Variants in RTL4 observed in about 807,000 individuals in gnomAD.
RTL4 encodes the protein retrotransposon Gag like 4, also known as retrotransposon Gag-like protein 4.
In RTL4, 4 loss-of-function variants were observed where a neutral mutation model predicts 5.3. The observed-to-expected ratio is 0.75, with a 90% CI of 0.37 to 1.72. The LOEUF is 1.72. RTL4 is among the 40% of genes most tolerant of loss of function. RTL4 has a pLI of 0.04. For missense variants in RTL4, 260 were observed against 227.1 expected (o/e 1.14, Z -0.93); for synonymous variants, 98 against 87.3 (o/e 1.12, Z -0.68).
At chrX:112,317,089 C>A in the RTL4 span, among the ~76,000 whole-genome samples, 1 of 111,725 alleles carries the variant, frequency 9.0e-6, no homozygotes, top group East Asian at 2.8e-4. Context: ...CTGATTCAGT[C>A]TTTACGGAAA....
the RTL4 span, among the ~76,000 whole-genome samples, chrX:112,266,004 C>T: frequency 9.0e-6 from 1 of 110,519 alleles, no homozygotes; most frequent in African/African-American, 3.3e-5. Context: ...TTCAGTTTGA[C>T]GGGAGTGTTA....
chrX:112,454,641 T>G (rs1926799711), exon 1 of RTL4: 1 of 908,168 alleles, frequency 1.1e-6, no homozygotes. Flanking sequence ...ACACTCCGTC[T>G]CTGATCACAG....
the RTL4 span, among the ~76,000 whole-genome samples, chrX:112,309,396 G>C: frequency 9.0e-6 from 1 of 111,216 alleles, no homozygotes; most frequent in South Asian, 3.8e-4. Flanking sequence ...ATCTTCAAAT[G>C]CCATCATATT....
At chrX:112,389,174 A>G in the RTL4 span, among the ~76,000 whole-genome samples, 5 of 110,188 alleles carry the variant, frequency 4.5e-5, no homozygotes, top group Non-Finnish European at 7.6e-5. Context: ...GTGTCCAGGA[A>G]TTTATCCATC....
the RTL4 span, among the ~76,000 whole-genome samples, chrX:112,226,951 T>TA: frequency 1.7e-5 from 1 of 57,307 alleles, no homozygotes. Flanking sequence ...AAAATAAAAA[T>TA]AAAATAAAAT....
the RTL4 span, among the ~76,000 whole-genome samples, chrX:112,147,404 C>T: frequency 9.0e-6 from 1 of 110,989 alleles, no homozygotes; most frequent in Non-Finnish European, 1.9e-5. Context: ...CCCCCTCCCC[C>T]TTGTGACCAA....
the RTL4 span, among the ~76,000 whole-genome samples, chrX:112,115,242 T>C: frequency 9.0e-6 from 1 of 110,951 alleles, no homozygotes. Flanking sequence ...CTGAGGAAGG[T>C]CGGATTTAGT....
chrX:112,401,620 T>A, the RTL4 span, among the ~76,000 whole-genome samples: 20 of 110,228 alleles, frequency 1.8e-4, no homozygotes, highest in Admixed American at 1.6e-3. Flanking sequence ...ATTCTAGACT[T>A]TTTTTTTACA....
At chrX:112,190,555 A>C in the RTL4 span, among the ~76,000 whole-genome samples, 1 of 111,981 alleles carries the variant, frequency 8.9e-6, no homozygotes, top group African/African-American at 3.2e-5. Context: ...GAGTTGGTAA[A>C]GTCTCATTGG....
the RTL4 span, among the ~76,000 whole-genome samples, chrX:112,192,626 G>A: frequency 9.0e-6 from 1 of 110,889 alleles, no homozygotes; most frequent in Non-Finnish European, 1.9e-5. Flanking sequence ...ATTAATTTTA[G>A]TAATATACAA....
the RTL4 span, among the ~76,000 whole-genome samples, chrX:112,259,113 T>A: frequency 8.9e-6 from 1 of 111,743 alleles, no homozygotes; most frequent in Admixed American, 9.6e-5. Flanking sequence ...ATCTTGTATG[T>A]TTATTTTCCA....
At chrX:112,240,189 C>T in the RTL4 span, among the ~76,000 whole-genome samples, 68 of 111,531 alleles carry the variant, frequency 6.1e-4, no homozygotes, top group Non-Finnish European at 1.2e-3. Flanking sequence ...GCTCCCTGGC[C>T]AGGTACAGTA....
At chrX:112,186,006 G>A in the RTL4 span, among the ~76,000 whole-genome samples, 2 of 111,137 alleles carry the variant, frequency 1.8e-5, no homozygotes, top group African/African-American at 6.5e-5. Flanking sequence ...AGACAAACTG[G>A]ATCCCATGAG....
the RTL4 span, among the ~76,000 whole-genome samples, chrX:112,367,138 G>C: frequency 9.0e-6 from 1 of 111,628 alleles, no homozygotes; most frequent in Non-Finnish European, 1.9e-5. Flanking sequence ...TGCCAATATA[G>C]TTTAATTCTC....
chrX:112,430,798 G>T, the RTL4 span, among the ~76,000 whole-genome samples: 5 of 111,578 alleles, frequency 4.5e-5, no homozygotes, highest in African/African-American at 1.6e-4. Context: ...TCACCATGTT[G>T]CCCACGCTCT....
chrX:112,335,690 T>C, the RTL4 span, among the ~76,000 whole-genome samples: 1 of 110,726 alleles, frequency 9.0e-6, no homozygotes, highest in African/African-American at 3.3e-5. Context: ...TCTTTCTTAA[T>C]TCGATTTTCA....
At chrX:112,373,698 A>ATATG in the RTL4 span, among the ~76,000 whole-genome samples, 2 of 109,095 alleles carry the variant, frequency 1.8e-5, no homozygotes. Flanking sequence ...ATATATATAT[A>ATATG]TATGTATATA....
At chrX:112,210,509 A>C in the RTL4 span, among the ~76,000 whole-genome samples, 1 of 112,371 alleles carries the variant, frequency 8.9e-6, no homozygotes, top group Non-Finnish European at 1.9e-5. Context: ...ATACAGAGCT[A>C]ATATTTGAGT....
chrX:112,088,487 CT>C, the RTL4 span, among the ~76,000 whole-genome samples: 3 of 111,694 alleles, frequency 2.7e-5, no homozygotes, highest in Non-Finnish European at 5.6e-5. Context: ...TTGTTTCCAC[CT>C]TTTCTATTAT....
Sources: allele counts gnomAD v4.1 joint callset (sites outside exome capture counted in the v4.1 genomes callset), GRCh38; gene constraint gnomAD v4.1.1; transcripts MANE v1.5; gene names NCBI Gene and HGNC (gene_info 2026-07-23, HGNC 2026-07-21).